WWOX: variants seen among roughly 807,000 people sequenced by gnomAD.
The protein encoded by WWOX is WW domain containing oxidoreductase, also known as WW domain-containing oxidoreductase.
WWOX carries 69 observed loss-of-function variants against 46.2 expected under a neutral mutation model. The observed-to-expected ratio is 1.49, with a 90% CI of 1.23 to 1.82. The LOEUF is 1.82. Among genes scored for constraint, WWOX ranks in the 40% most tolerant of loss-of-function variants. The pLI is 0.00. For synonymous variants in WWOX, 359 were observed against 202.6 expected (o/e 1.77, Z -6.56); for missense variants, 919 against 542.6 (o/e 1.69, Z -6.89).
chr16:78,337,381 C>G (rs1597502271), intron 5 of WWOX, among the ~76,000 whole-genome samples: 1 of 152,244 alleles, frequency 6.6e-6, no homozygotes, highest in East Asian at 1.9e-4. Flanking sequence ...TACATGCTGT[C>G]CTGTGTACCC....
chr16:78,884,155 C>G (rs1257566530), intron 8 of WWOX, among the ~76,000 whole-genome samples: 1 of 151,238 alleles, frequency 6.6e-6, no homozygotes, highest in African/African-American at 2.4e-5. Flanking sequence ...GCCTGTAGTC[C>G]TAGTTACTCG....
chr16:78,835,581 C>T (rs1393518076), intron 8 of WWOX, among the ~76,000 whole-genome samples: 1 of 152,114 alleles, frequency 6.6e-6, no homozygotes, highest in African/African-American at 2.4e-5. Context: ...GATATCAGAC[C>T]TTATAGCAGT....
intron 8 of WWOX, among the ~76,000 whole-genome samples, chr16:79,194,752 T>A (rs1397561810): frequency 6.6e-6 from 1 of 152,170 alleles, no homozygotes; most frequent in Non-Finnish European, 1.5e-5. Context: ...TTTGTTGATG[T>A]TTCTTGATCA....
At chr16:78,794,164 A>C (rs1362453275) in intron 8 of WWOX, among the ~76,000 whole-genome samples, 2 of 152,158 alleles carry the variant, frequency 1.3e-5, no homozygotes, top group African/African-American at 2.4e-5. Flanking sequence ...AAGTGACCCC[A>C]GAAGCTGCCT....
chr16:78,650,544 C>T (rs1389311230), intron 8 of WWOX, among the ~76,000 whole-genome samples: 1 of 152,158 alleles, frequency 6.6e-6, no homozygotes, highest in Non-Finnish European at 1.5e-5. Flanking sequence ...GAATCCAGGA[C>T]ACCTGCCTGC....
intron 8 of WWOX, among the ~76,000 whole-genome samples, chr16:79,174,311 A>C (rs1486733302): frequency 6.6e-6 from 1 of 152,188 alleles, no homozygotes; most frequent in East Asian, 1.9e-4. Flanking sequence ...CAAATACAAT[A>C]ATTAGTGCCT....
chr16:78,246,364 T>A (rs944358597), intron 5 of WWOX, among the ~76,000 whole-genome samples: 3 of 152,230 alleles, frequency 2.0e-5, no homozygotes, highest in Non-Finnish European at 4.4e-5. Flanking sequence ...CTACCTTTTT[T>A]TTCCCCTTCT....
intron 8 of WWOX, among the ~76,000 whole-genome samples, chr16:78,868,715 A>T (rs776043565): frequency 6.6e-6 from 1 of 152,166 alleles, no homozygotes; most frequent in South Asian, 2.1e-4. Context: ...GTTGGAACCA[A>T]TGCTGATGAG....
chr16:78,699,729 T>C (rs1230400843), intron 8 of WWOX, among the ~76,000 whole-genome samples: 1 of 152,210 alleles, frequency 6.6e-6, no homozygotes, highest in African/African-American at 2.4e-5. Flanking sequence ...CCTCACTTAA[T>C]TGAGGTTTGC....
chr16:79,202,025 A>G (rs372738164), intron 8 of WWOX, among the ~76,000 whole-genome samples: 57 of 152,058 alleles, frequency 3.7e-4, no homozygotes, highest in African/African-American at 1.3e-3. Context: ...TTGACAAACT[A>G]TGGCCTGCCG....
At chr16:78,901,945 C>T (rs1329312377) in intron 8 of WWOX, among the ~76,000 whole-genome samples, 1 of 152,208 alleles carries the variant, frequency 6.6e-6, no homozygotes, top group Non-Finnish European at 1.5e-5. Context: ...GCTGATCAAT[C>T]CCATTCCCAC....
Position 78,476,952 on chromosome 16 carries a change from C to A in WWOX, c.1056+44200C>A, listed in dbSNP as rs74029640. Among the ~76,000 whole-genome samples, 806 of 152,144 alleles carry A rather than the reference C, an allele frequency of 5.3e-3. 6 individuals are homozygous for A. Among genetic ancestry groups the A allele is most frequent in the African/African-American group, 0.019 (774 of 41,492 alleles). On this transcript the variant is annotated intron_variant, in intron 8 of 8. Coordinates refer to ENST00000566780, the MANE Select transcript of WWOX (RefSeq NM_016373.4). ...TCCTTCCTCCTTCAGTTCCCTCTTT[C>A]CTCTTTTTCACCCTTTTATTTAACA...
At chr16:78,331,664 G>A (rs1173568791) in intron 5 of WWOX, among the ~76,000 whole-genome samples, 2 of 152,290 alleles carry the variant, frequency 1.3e-5, no homozygotes, top group Non-Finnish European at 2.9e-5. Flanking sequence ...GGTGATGACT[G>A]TAAATGACAC....
chr16:78,333,300 T>G (rs1194925796), intron 5 of WWOX, among the ~76,000 whole-genome samples: 2 of 133,740 alleles, frequency 1.5e-5, no homozygotes, highest in Non-Finnish European at 3.5e-5. Flanking sequence ...CCGCCTGCCT[T>G]GGCCTGCCAA....
chr16:78,646,271 C>T (rs762472651), intron 8 of WWOX, among the ~76,000 whole-genome samples: 3 of 152,040 alleles, frequency 2.0e-5, no homozygotes, highest in African/African-American at 4.8e-5. Context: ...CCTCTTGCTT[C>T]CCAAAGTGCT....
intron 5 of WWOX, among the ~76,000 whole-genome samples, chr16:78,200,042 A>T (rs1467546452): frequency 1.3e-5 from 2 of 152,198 alleles, no homozygotes; most frequent in African/African-American, 4.8e-5. Flanking sequence ...TTTCTTTCAA[A>T]AGCTGTAGGA....
chr16:78,454,574 C>T (rs72799921), intron 8 of WWOX, among the ~76,000 whole-genome samples: 3,692 of 152,280 alleles, frequency 0.024, 95 homozygotes, highest in South Asian at 0.14. Flanking sequence ...GGCACGATCT[C>T]TGCTGACCCC....
At chr16:79,104,850 G>C (rs1345000173) in intron 8 of WWOX, among the ~76,000 whole-genome samples, 3 of 152,122 alleles carry the variant, frequency 2.0e-5, no homozygotes, top group Non-Finnish European at 2.9e-5. Context: ...ATCCCCACTT[G>C]ACCAAAGGTG....
chr16:78,393,346 AT>A (rs2082215640), intron 6 of WWOX, among the ~76,000 whole-genome samples: 1 of 152,162 alleles, frequency 6.6e-6, no homozygotes, highest in South Asian at 2.1e-4. Context: ...GTGCTCTGTA[AT>A]ACTTTTTCTT....
Sources: allele counts gnomAD v4.1 joint callset (sites outside exome capture counted in the v4.1 genomes callset), GRCh38; gene constraint gnomAD v4.1.1; transcripts MANE v1.5; gene names NCBI Gene and HGNC (gene_info 2026-07-23, HGNC 2026-07-21).